The following ZNF609 variants were observed in gnomAD, a reference collection of about 807,000 sequenced individuals.
ZNF609 encodes the protein zinc finger protein 609.
Under a neutral mutation model 109.5 loss-of-function variants are expected in ZNF609, and 11 were observed. The observed-to-expected ratio is 0.10, with a 90% CI of 0.06 to 0.17. ZNF609 has a LOEUF of 0.17. Among genes scored for constraint, ZNF609 ranks in the 10% least tolerant of loss-of-function variants. ZNF609 has a pLI of 1.00. For synonymous variants in ZNF609, 646 were observed against 662.0 expected (o/e 0.98, Z 0.37); for missense variants, 1,559 against 1,772.4 (o/e 0.88, Z 2.16).
At chr15:64,592,385 T>C (rs1895314122) in intron 2 of ZNF609, among the ~76,000 whole-genome samples, 1 of 152,118 alleles carries the variant, frequency 6.6e-6, no homozygotes, top group Admixed American at 6.5e-5. Flanking sequence ...GAGACCAGTC[T>C]GGCCAACTTG....
At chr15:64,557,760 G>A (rs974142661) in intron 2 of ZNF609, among the ~76,000 whole-genome samples, 5 of 152,110 alleles carry the variant, frequency 3.3e-5, no homozygotes, top group Non-Finnish European at 7.4e-5. Context: ...GCAGTGGCGC[G>A]ATCTCGGCCC....
intron 7 of ZNF609, 103 bp downstream of exon 7, chr15:64,680,463 C>A: frequency 4.2e-6 from 6 of 1,442,568 alleles, no homozygotes; most frequent in Non-Finnish European, 5.7e-6. Flanking sequence ...CACAGTGCAG[C>A]TTGGCTGACT....
intron 2 of ZNF609, chr15:64,529,385 G>A (rs1014464764): frequency 1.5e-5 from 11 of 743,020 alleles, no homozygotes; most frequent in Non-Finnish European, 2.2e-5. Flanking sequence ...TGAACTCTAC[G>A]ACGTACTCAG....
chr15:64,594,797 C>A (rs1354529051), intron 2 of ZNF609, among the ~76,000 whole-genome samples: 1 of 149,758 alleles, frequency 6.7e-6, no homozygotes, highest in East Asian at 2.0e-4. Context: ...GAGGCCAAGG[C>A]GGGTGGATCA....
intron 1 of ZNF609, among the ~76,000 whole-genome samples, chr15:64,483,975 C>G (rs1342373949): frequency 1.3e-5 from 2 of 151,756 alleles, no homozygotes; most frequent in Non-Finnish European, 2.9e-5. Flanking sequence ...TTTTTTTCCC[C>G]CATTGCACTG....
At chr15:64,614,752 T>A (rs1233239141) in intron 2 of ZNF609, among the ~76,000 whole-genome samples, 1 of 151,906 alleles carries the variant, frequency 6.6e-6, no homozygotes, top group African/African-American at 2.4e-5. Flanking sequence ...ATTACTGATG[T>A]TGAGTCACTG....
intron 5 of ZNF609, among the ~76,000 whole-genome samples, chr15:64,676,681 G>GC (rs1896814813): frequency 6.6e-6 from 1 of 152,000 alleles, no homozygotes; most frequent in Non-Finnish European, 1.5e-5. Context: ...TAATCCACCT[G>GC]CCTCAGCCTC....
At chr15:64,565,211 C>T (rs894323504) in intron 2 of ZNF609, among the ~76,000 whole-genome samples, 1 of 74,162 alleles carries the variant, frequency 1.3e-5, no homozygotes, top group African/African-American at 5.7e-5. Flanking sequence ...AGGCAGGTGC[C>T]ACCATGCCTG....
intron 2 of ZNF609, among the ~76,000 whole-genome samples, chr15:64,617,689 A>G (rs963340705): frequency 8.5e-5 from 13 of 152,116 alleles, no homozygotes; most frequent in African/African-American, 2.9e-4. Flanking sequence ...CTGAGGTAGG[A>G]GAATCGCCTG....
intron 3 of ZNF609, among the ~76,000 whole-genome samples, chr15:64,668,948 G>A (rs1299587142): frequency 1.3e-4 from 11 of 82,314 alleles, no homozygotes; most frequent in East Asian, 7.5e-4. Flanking sequence ...GCGAAACTCC[G>A]TCTCAAAAAA....
At chr15:64,544,554 A>T (rs1894325571) in intron 2 of ZNF609, among the ~76,000 whole-genome samples, 1 of 152,194 alleles carries the variant, frequency 6.6e-6, no homozygotes, top group African/African-American at 2.4e-5. Context: ...TGTTGAGGTT[A>T]GTTGCTAGGC....
chr15:64,634,912 C>T (rs1169427077), intron 3 of ZNF609, among the ~76,000 whole-genome samples: 2 of 152,082 alleles, frequency 1.3e-5, no homozygotes, highest in African/African-American at 4.8e-5. Flanking sequence ...ACAGCCAACA[C>T]ATTCCCACCT....
intron 2 of ZNF609, among the ~76,000 whole-genome samples, chr15:64,549,751 T>C (rs1262267887): frequency 6.6e-6 from 1 of 152,066 alleles, no homozygotes; most frequent in Non-Finnish European, 1.5e-5. Flanking sequence ...AACCATTGAT[T>C]TTTGGTCCAT....
chr15:64,608,731 G>GTGTGTT lies in ZNF609; in HGVS notation c.748-14091_748-14090insTTGTGT, dbSNP rs1333824949. ...TGTGTGTATGCATGCATGCGTGTGT[G>GTGTGTT]TGTGTGTGTGTGTGTGTATTTTTTT... On this transcript the variant is annotated intron_variant, in intron 2 of 9. Transcript: ENST00000326648. Among the ~76,000 whole-genome samples the GTGTGTT allele has an allele frequency of 2.0e-5, 3 of 151,476 alleles. No homozygotes were observed. The East Asian group carries it at 5.8e-4, about 29-fold the overall frequency.
intron 1 of ZNF609, among the ~76,000 whole-genome samples, chr15:64,491,068 A>G (rs750737150): frequency 6.6e-6 from 1 of 152,166 alleles, no homozygotes; most frequent in Non-Finnish European, 1.5e-5. Context: ...TCTAATCTCC[A>G]TTGGAGATAT....
At chr15:64,466,415 A>G (rs746789298) in intron 1 of ZNF609, among the ~76,000 whole-genome samples, 2 of 152,176 alleles carry the variant, frequency 1.3e-5, no homozygotes, top group Non-Finnish European at 2.9e-5. Flanking sequence ...ACACGACCTA[A>G]TGGAATTCAC....
rs575353889 is a variant in ZNF609 at position 64,524,068 on chromosome 15, CT to C, written c.747+23913del. 9.2e-3 allele frequency among the ~76,000 whole-genome samples: 1,243 copies of C among 134,450 alleles called. 14 individuals carry two copies. Among genetic ancestry groups the C allele is most frequent in the African/African-American group, 0.028 (1,025 of 36,478 alleles). 88.2% of individuals were successfully genotyped at this position (134,450 alleles called of 152,430 possible). On this transcript the variant is annotated intron_variant, in intron 2 of 9. Transcript: ENST00000326648. The stretch of plus-strand genomic sequence containing the variant: ...AAAATTGAGAAATAATTCATGTTTT[CT>C]TTTTTTTTTTCAGTATACAATTCAG...
chr15:64,600,462 AAAAAG>A (rs1895477968), intron 2 of ZNF609, among the ~76,000 whole-genome samples: 2 of 146,722 alleles, frequency 1.4e-5, no homozygotes, highest in Non-Finnish European at 3.0e-5. Flanking sequence ...AAAAAAAAAA[AAAAAG>A]AAAAAAAAAA....
chr15:64,630,033 C>A lies in ZNF609; in HGVS notation c.973+6981C>A, dbSNP rs151047624. ...TTCATCATTTTTTACCAAAAATTTC[C>A]TTCTCTTTCCTTCTCTGTTTCTCTT... On this transcript the variant is annotated intron_variant, in intron 3 of 9. Transcript: ENST00000326648. Among the ~76,000 whole-genome samples, 3 of 151,632 alleles carry A rather than the reference C, an allele frequency of 2.0e-5. No homozygotes were observed. The East Asian group carries it at 5.8e-4, about 29-fold the overall frequency.
Sources: gnomAD v4.1 joint callset for allele counts (sites outside exome capture counted in the v4.1 genomes callset) on GRCh38, gnomAD v4.1.1 for gene constraint, MANE v1.5 for transcripts, NCBI Gene and HGNC (gene_info 2026-07-23, HGNC 2026-07-21) for gene names.